TPTE2: variants seen among roughly 807,000 people sequenced by gnomAD.
TPTE2 encodes the protein phosphatidylinositol 3,4,5-trisphosphate 3-phosphatase TPTE2.
In TPTE2, 53 loss-of-function variants were observed where a neutral mutation model predicts 78.6. The observed-to-expected ratio is 0.67, with a 90% CI of 0.54 to 0.85. The LOEUF (loss-of-function observed/expected upper bound fraction) is 0.85. Ranked by LOEUF, TPTE2 falls within the 40% of genes least tolerant of loss-of-function variation. The pLI, the probability that TPTE2 is intolerant of heterozygous loss-of-function variation, is 0.00. For synonymous variants in TPTE2, 175 were observed against 206.2 expected, an observed-to-expected ratio of 0.85 and a Z score of 1.30; for missense variants, 461 against 623.0, an observed-to-expected ratio of 0.74 and a Z score of 2.77.
At chr13:19,557,426 C>T in the TPTE2 span, among the ~76,000 whole-genome samples, 7 of 152,306 alleles carry the variant, frequency 4.6e-5, no homozygotes, top group African/African-American at 1.7e-4. Flanking sequence ...AGAACCCAAA[C>T]ATCCCAGGGC....
At chr13:19,554,949 T>G in the TPTE2 span, among the ~76,000 whole-genome samples, 6 of 152,180 alleles carry the variant, frequency 3.9e-5, no homozygotes, top group Non-Finnish European at 8.8e-5. Context: ...CTTGTCTCAG[T>G]TATCTTTTAC....
upstream of TPTE2, among the ~76,000 whole-genome samples, chr13:19,539,189 G>A (rs1871368511): frequency 6.6e-6 from 1 of 152,188 alleles, no homozygotes; most frequent in Admixed American, 6.5e-5. Context: ...GCCACATTGG[G>A]GATTAAGGGT....
At chr13:19,483,671 T>A (rs1208588025) in intron 3 of TPTE2, among the ~76,000 whole-genome samples, 3 of 152,174 alleles carry the variant, frequency 2.0e-5, no homozygotes, top group African/African-American at 7.2e-5. Context: ...TTTTAACAAT[T>A]TGGGGTTTGG....
the TPTE2 span, among the ~76,000 whole-genome samples, chr13:19,553,047 T>A: frequency 2.0e-5 from 3 of 150,458 alleles, no homozygotes; most frequent in African/African-American, 7.3e-5. Context: ...GTCTAGGCTG[T>A]TTATCTTTAT....
intron 13 of TPTE2, among the ~76,000 whole-genome samples, chr13:19,447,049 A>G (rs1350563576): frequency 6.6e-6 from 1 of 152,204 alleles, no homozygotes; most frequent in African/African-American, 2.4e-5. Context: ...AAAAATTGGC[A>G]TTCAGATTCT....
intron 4 of TPTE2, among the ~76,000 whole-genome samples, chr13:19,480,791 C>G (rs1880300256): frequency 6.6e-6 from 1 of 152,238 alleles, no homozygotes; most frequent in African/African-American, 2.4e-5. Flanking sequence ...AAGCACATAT[C>G]AATATCAATA....
the TPTE2 span, chr13:19,560,958 C>T: frequency 1.3e-6 from 2 of 1,595,490 alleles, no homozygotes; most frequent in Admixed American, 1.7e-5. Context: ...TTGAAGAAGG[C>T]TTTGCAGTCC....
At chr13:19,427,237 A>G (rs1049655349) in intron 17 of TPTE2, among the ~76,000 whole-genome samples, 5 of 151,434 alleles carry the variant, frequency 3.3e-5, no homozygotes, top group African/African-American at 1.2e-4. Flanking sequence ...GGCACGTGCC[A>G]CCATGCCCAG....
chr13:19,424,701 A>G (rs944418721), intron 19 of TPTE2, among the ~76,000 whole-genome samples: 1 of 152,198 alleles, frequency 6.6e-6, no homozygotes, highest in African/African-American at 2.4e-5. Context: ...TGATGATAAT[A>G]CTTTTGAACT....
At chr13:19,449,649 A>T (rs1475158414) in intron 13 of TPTE2, among the ~76,000 whole-genome samples, 1 of 152,196 alleles carries the variant, frequency 6.6e-6, no homozygotes, top group Non-Finnish European at 1.5e-5. Context: ...GTTTATGTAT[A>T]TCAAAACATC....
chr13:19,520,521 AAGCT>A (rs772860103), intron 1 of TPTE2, among the ~76,000 whole-genome samples: 1 of 151,698 alleles, frequency 6.6e-6, no homozygotes, highest in Non-Finnish European at 1.5e-5. Context: ...CAGGCTAGCT[AAGCT>A]ATCAATTTTG....
the TPTE2 span, among the ~76,000 whole-genome samples, chr13:19,542,591 G>A: frequency 1.3e-5 from 2 of 151,796 alleles, no homozygotes; most frequent in African/African-American, 2.4e-5. Flanking sequence ...TGTTTATATT[G>A]TGTAAATATT....
At chr13:19,436,621 G>C (rs938034483) in intron 14 of TPTE2, among the ~76,000 whole-genome samples, 1 of 152,158 alleles carries the variant, frequency 6.6e-6, no homozygotes, top group East Asian at 1.9e-4. Context: ...CACCATGTTG[G>C]CCAGGCTGCT....
the TPTE2 span, chr13:19,560,500 T>C: frequency 1.5e-5 from 24 of 1,589,218 alleles, no homozygotes; most frequent in Non-Finnish European, 1.5e-5. Flanking sequence ...TCATACTCTC[T>C]GCAGTACTGA....
chr13:19,425,221 C>G (rs1401430133), intron 18 of TPTE2, among the ~76,000 whole-genome samples: 2 of 152,158 alleles, frequency 1.3e-5, no homozygotes, highest in Non-Finnish European at 2.9e-5. Flanking sequence ...CTTGCTGTTT[C>G]TATCAAAATT....
chr13:19,544,080 A>AAAAAAAAAAAAC, the TPTE2 span, among the ~76,000 whole-genome samples: 2 of 149,646 alleles, frequency 1.3e-5, no homozygotes, highest in African/African-American at 2.4e-5. Context: ...AAAAAAAAAA[A>AAAAAAAAAAAAC]AAGCCAAGAA....
At chr13:19,470,679 C>T (rs146671647) in intron 6 of TPTE2, among the ~76,000 whole-genome samples, 3,705 of 151,356 alleles carry the variant, frequency 0.024, 64 homozygotes, top group Middle Eastern at 0.051. Context: ...GCACCCAGCA[C>T]CACACCCAGC....
At chr13:19,472,097 C>T (rs1023918603) in intron 6 of TPTE2, among the ~76,000 whole-genome samples, 1 of 152,108 alleles carries the variant, frequency 6.6e-6, no homozygotes, top group African/African-American at 2.4e-5. Flanking sequence ...TTTTAAGATC[C>T]TTTCTTTATC....
At chr13:19,493,456 C>T (rs1881128354) in exon 2 of TPTE2, 1 of 1,613,796 alleles carries the variant, frequency 6.2e-7, no homozygotes, top group Non-Finnish European at 8.5e-7. Context: ...ACCTTTCTTT[C>T]GCAGGTGCCT....
Sources: gnomAD v4.1 joint callset for allele counts (sites outside exome capture counted in the v4.1 genomes callset) on GRCh38, gnomAD v4.1.1 for gene constraint, MANE v1.5 for transcripts, NCBI Gene and HGNC (gene_info 2026-07-23, HGNC 2026-07-21) for gene names.